Variants in DTNA observed in about 807,000 individuals in gnomAD.
DTNA encodes the protein dystrophin-related protein 3.
In DTNA, 43 loss-of-function variants were observed where a neutral mutation model predicts 100.7. That is an observed-to-expected ratio of 0.43 (90% CI 0.33 to 0.55). DTNA has a LOEUF of 0.55. Ranked by LOEUF, DTNA falls within the 20% of genes least tolerant of loss-of-function variation. DTNA has a pLI of 0.04. For synonymous variants in DTNA, 349 were observed against 347.9 expected, an observed-to-expected ratio of 1.00 and a Z score of -0.04; for missense variants, 798 against 953.9, an observed-to-expected ratio of 0.84 and a Z score of 2.15.
intron 3 of DTNA, among the ~76,000 whole-genome samples, chr18:34,789,907 T>G (rs1347229400): frequency 6.6e-6 from 1 of 152,212 alleles, no homozygotes; most frequent in Admixed American, 6.5e-5. Context: ...CAGGCATTAT[T>G]TTATTCAGCT....
In DTNA at chr18:34,717,445, T is replaced by C. The variant is rs554660482; in HGVS notation, c.-2+7000T>C. ...GCAATTTCCCTTTTATCTACAGAAA[T>C]ACAGATCAATGAAATCCTTTGATTC... On this transcript the variant is annotated intron_variant, in intron 1 of 22. Coordinates refer to ENST00000444659, the MANE Select transcript of DTNA (RefSeq NM_001386795.1). Among the ~76,000 whole-genome samples the C allele has an allele frequency of 3.3e-4, 50 of 152,324 alleles. 1 individual carries two copies. Among genetic ancestry groups the C allele is most frequent in the African/African-American group, 1.1e-3 (47 of 41,590 alleles).
At chr18:34,737,846 C>T (rs1237709343) in intron 1 of DTNA, 3 of 152,142 alleles carry the variant, frequency 2.0e-5, no homozygotes, top group Non-Finnish European at 4.4e-5. Flanking sequence ...CACTAATGAA[C>T]ATCACAGAGA....
chr18:34,827,759 A>T (rs2095893629), intron 10 of DTNA, 83 bp downstream of exon 10: 1 of 1,327,706 alleles, frequency 7.5e-7, no homozygotes, highest in Admixed American at 1.7e-5. Context: ...TTCTCATGCA[A>T]GCCAAGGGCA....
chr18:34,798,137 C>A (rs1219119834), intron 4 of DTNA, among the ~76,000 whole-genome samples: 1 of 152,054 alleles, frequency 6.6e-6, no homozygotes, highest in Non-Finnish European at 1.5e-5. Flanking sequence ...GTAGCTGGGA[C>A]TACAGGCGTG....
intron 1 of DTNA, among the ~76,000 whole-genome samples, chr18:34,556,676 T>G (rs1332814736): frequency 6.6e-6 from 1 of 151,698 alleles, no homozygotes; most frequent in African/African-American, 2.4e-5. Flanking sequence ...AATTCTTTTC[T>G]TTAAGAATGT....
intron 15 of DTNA, among the ~76,000 whole-genome samples, chr18:34,855,995 A>G (rs149496243): frequency 6.6e-6 from 1 of 152,184 alleles, no homozygotes; most frequent in East Asian, 1.9e-4. Flanking sequence ...GAAGGCCCCA[A>G]CAACCCTGGC....
At chr18:34,514,918 A>G (rs1333538507) in intron 1 of DTNA, among the ~76,000 whole-genome samples, 1 of 152,102 alleles carries the variant, frequency 6.6e-6, no homozygotes, top group Non-Finnish European at 1.5e-5. Context: ...ACAGACATTC[A>G]GACCATAGCA....
chr18:34,598,092 C>A (rs1285114209), intron 1 of DTNA, among the ~76,000 whole-genome samples: 1 of 152,064 alleles, frequency 6.6e-6, no homozygotes, highest in African/African-American at 2.4e-5. Flanking sequence ...TTCTTTTGAC[C>A]TTAGACTCTT....
At chr18:34,546,743 TTTTC>T (rs569579532) in intron 1 of DTNA, among the ~76,000 whole-genome samples, 11 of 151,774 alleles carry the variant, frequency 7.2e-5, no homozygotes, top group South Asian at 4.1e-4. Flanking sequence ...TTTTTTGTAA[TTTTC>T]TTTCTTTCTT....
At chr18:34,591,112 C>T (rs970358341) in intron 1 of DTNA, among the ~76,000 whole-genome samples, 1 of 151,888 alleles carries the variant, frequency 6.6e-6, no homozygotes, top group East Asian at 1.9e-4. Flanking sequence ...CTAAACATTT[C>T]ATTTTTTTTT....
intron 1 of DTNA, among the ~76,000 whole-genome samples, chr18:34,493,737 A>G (rs1339490619): frequency 2.0e-5 from 3 of 148,760 alleles, no homozygotes; most frequent in Non-Finnish European, 3.0e-5. Context: ...GCGCGGACAC[A>G]GGCGGCTCGG....
intron 1 of DTNA, among the ~76,000 whole-genome samples, chr18:34,578,800 T>C (rs970646810): frequency 2.0e-5 from 3 of 152,114 alleles, no homozygotes; most frequent in Admixed American, 1.3e-4. Flanking sequence ...TATTTCTGGG[T>C]TCTCTATTCT....
At chr18:34,588,549 G>A (rs1480744448) in intron 1 of DTNA, among the ~76,000 whole-genome samples, 1 of 152,092 alleles carries the variant, frequency 6.6e-6, no homozygotes, top group Non-Finnish European at 1.5e-5. Flanking sequence ...ACATTAAAGA[G>A]CATCTTCATC....
At position 34,889,694 on chromosome 18, in the gene DTNA, G is replaced by A; in HGVS notation, c.*1960G>A. 1.0e-6 allele frequency: 1 copy of A among 985,836 alleles called. No individual in the cohort carries two copies. Among genetic ancestry groups the A allele is most frequent in the East Asian group, 1.1e-4 (1 of 8,812 alleles). 61.1% of individuals were successfully genotyped at this position (985,836 alleles called of 1,614,324 possible). ...CCAAATCACTTGCCTTGGGGATAAA[G>A]TGCTCAATTGGCATTAGTGAGAAGC... On this transcript the variant is annotated 3_prime_UTR_variant, in exon 23 of 23. Coordinates refer to ENST00000444659, the MANE Select transcript of DTNA (RefSeq NM_001386795.1).
At chr18:34,678,937 C>T (rs1392438074) in intron 1 of DTNA, among the ~76,000 whole-genome samples, 3 of 152,050 alleles carry the variant, frequency 2.0e-5, no homozygotes, top group African/African-American at 7.2e-5. Context: ...CTTTGTAGTC[C>T]ACCTTGTTGT....
intron 1 of DTNA, among the ~76,000 whole-genome samples, chr18:34,512,875 T>C (rs887151076): frequency 2.0e-5 from 3 of 152,088 alleles, no homozygotes; most frequent in Admixed American, 6.6e-5. Context: ...ATTTTTCCAC[T>C]GTGATGAAAA....
chr18:34,712,983 C>T (rs1026272478), intron 1 of DTNA, among the ~76,000 whole-genome samples: 10 of 152,040 alleles, frequency 6.6e-5, no homozygotes, highest in Admixed American at 6.6e-4. Context: ...TGAATGATGA[C>T]TCAATATCAT....
upstream of DTNA, among the ~76,000 whole-genome samples, chr18:34,706,532 G>T (rs2146336483): frequency 6.6e-6 from 1 of 152,144 alleles, no homozygotes; most frequent in Non-Finnish European, 1.5e-5. Context: ...GAGGCTTGAG[G>T]ATAAATTTCC....
chr18:34,704,266 C>T (rs1007411028), intron 1 of DTNA, among the ~76,000 whole-genome samples: 2 of 152,172 alleles, frequency 1.3e-5, no homozygotes, highest in African/African-American at 4.8e-5. Context: ...CCCAGGGAGC[C>T]TTACAAAGGA....
Sources: gnomAD v4.1 joint callset for allele counts (sites outside exome capture counted in the v4.1 genomes callset) on GRCh38, gnomAD v4.1.1 for gene constraint, MANE v1.5 for transcripts, NCBI Gene and HGNC (gene_info 2026-07-23, HGNC 2026-07-21) for gene names.